The following ROR1 variants were observed in gnomAD, a reference collection of about 807,000 sequenced individuals.
ROR1 encodes the protein inactive tyrosine-protein kinase transmembrane receptor ROR1.
In ROR1, 19 loss-of-function variants were observed where a neutral mutation model predicts 78.8. The ratio of observed to expected loss-of-function variants is 0.24; its 90% CI spans 0.17 to 0.35. The LOEUF is 0.35. ROR1 is among the 10% of genes least tolerant of loss of function. The pLI is 1.00. For synonymous variants in ROR1, 386 were observed against 433.6 expected (o/e 0.89, Z 1.36); for missense variants, 917 against 1,177.8 (o/e 0.78, Z 3.24).
At chr1:64,121,814 C>T (rs768926033) in intron 4 of ROR1, among the ~76,000 whole-genome samples, 2 of 152,160 alleles carry the variant, frequency 1.3e-5, no homozygotes, top group Non-Finnish European at 2.9e-5. Context: ...CAGAATGAAC[C>T]AATAGATCTA....
intron 1 of ROR1, among the ~76,000 whole-genome samples, chr1:63,806,542 C>T (rs982583818): frequency 2.0e-5 from 3 of 152,186 alleles, no homozygotes; most frequent in Admixed American, 2.0e-4. Flanking sequence ...TGGTCTCGAT[C>T]TCCTGACCTT....
chr1:64,099,285 A>G (rs944351187), intron 4 of ROR1, among the ~76,000 whole-genome samples: 13 of 152,210 alleles, frequency 8.5e-5, no homozygotes, highest in African/African-American at 2.9e-4. Flanking sequence ...AAAGCCCCAC[A>G]GATTGATATG....
chr1:64,136,339 A>C (rs1295291096), intron 4 of ROR1, among the ~76,000 whole-genome samples: 2 of 148,210 alleles, frequency 1.3e-5, no homozygotes, highest in African/African-American at 5.2e-5. Flanking sequence ...AAGAAACCAA[A>C]GGGGAAAAAC....
chr1:64,042,527 G>A (rs1310821168), intron 2 of ROR1, among the ~76,000 whole-genome samples: 1 of 152,152 alleles, frequency 6.6e-6, no homozygotes, highest in Non-Finnish European at 1.5e-5. Context: ...TGAGATGTCC[G>A]GTGAGAACTA....
intron 1 of ROR1, among the ~76,000 whole-genome samples, chr1:63,939,643 G>C (rs1469168876): frequency 6.6e-6 from 1 of 152,214 alleles, no homozygotes; most frequent in Non-Finnish European, 1.5e-5. Flanking sequence ...TTCGCCAGCT[G>C]TGTTACCTCG....
chr1:63,990,382 C>T (rs1288075265), intron 1 of ROR1, among the ~76,000 whole-genome samples: 1 of 152,132 alleles, frequency 6.6e-6, no homozygotes, highest in Non-Finnish European at 1.5e-5. Flanking sequence ...TTCCTGGACT[C>T]TTCAATGCCA....
chr1:63,815,326 A>G (rs977829576), intron 1 of ROR1, among the ~76,000 whole-genome samples: 4 of 152,200 alleles, frequency 2.6e-5, no homozygotes, highest in Admixed American at 6.5e-5. Context: ...GTCTTCAAAT[A>G]TACATTTTTG....
chr1:64,108,561 G>C (rs1278019830), intron 4 of ROR1, among the ~76,000 whole-genome samples: 1 of 152,088 alleles, frequency 6.6e-6, no homozygotes, highest in East Asian at 1.9e-4. Flanking sequence ...AAAGAGTTAA[G>C]TGACAAGGGC....
chr1:64,167,832 A>C (rs1650126511), intron 8 of ROR1, among the ~76,000 whole-genome samples: 1 of 152,222 alleles, frequency 6.6e-6, no homozygotes. Context: ...AGTGAGGTCT[A>C]ACTCAAAAAC....
At chr1:64,006,490 A>G (rs146402765) in intron 1 of ROR1, among the ~76,000 whole-genome samples, 1,791 of 152,292 alleles carry the variant, frequency 0.012, 15 homozygotes, top group Middle Eastern at 0.051. Context: ...AAATGTAGAC[A>G]ATTAGCTCTT....
At chr1:63,897,133 C>A (rs939094625) in intron 1 of ROR1, among the ~76,000 whole-genome samples, 1 of 152,228 alleles carries the variant, frequency 6.6e-6, no homozygotes. Flanking sequence ...GGCCCTTTCA[C>A]GTATTCATCT....
intron 4 of ROR1, among the ~76,000 whole-genome samples, chr1:64,125,446 C>T (rs1224076764): frequency 6.6e-6 from 1 of 152,170 alleles, no homozygotes; most frequent in East Asian, 1.9e-4. Flanking sequence ...AGTCTAAAAA[C>T]ATTCCAACTG....
intron 7 of ROR1, among the ~76,000 whole-genome samples, chr1:64,153,133 C>T (rs1649674375): frequency 6.6e-6 from 1 of 152,016 alleles, no homozygotes; most frequent in Non-Finnish European, 1.5e-5. Context: ...GACATTCCTC[C>T]AAAGAAGATA....
intron 4 of ROR1, among the ~76,000 whole-genome samples, chr1:64,082,284 G>T (rs1453771290): frequency 1.3e-5 from 2 of 152,160 alleles, no homozygotes; most frequent in Non-Finnish European, 2.9e-5. Context: ...GTGGCGTTGG[G>T]ACATGCAAGG....
At chr1:64,135,024 C>T (rs1044513233) in intron 4 of ROR1, among the ~76,000 whole-genome samples, 6 of 152,058 alleles carry the variant, frequency 3.9e-5, no homozygotes, top group African/African-American at 7.2e-5. Flanking sequence ...GCTGCCAAGG[C>T]GATTCTCATA....
At chr1:64,050,799 T>A in intron 4 of ROR1, 83 bp downstream of exon 4, 1 of 1,316,292 alleles carries the variant, frequency 7.6e-7, no homozygotes. Context: ...GTCCTCTTCT[T>A]AAGCCAAAAT....
intron 4 of ROR1, among the ~76,000 whole-genome samples, chr1:64,122,878 G>A (rs963082337): frequency 2.0e-5 from 3 of 152,148 alleles, no homozygotes; most frequent in African/African-American, 7.2e-5. Context: ...GACATCTGGT[G>A]TCCACAGTGG....
chr1:64,039,922 A>T (rs960129333), intron 2 of ROR1, among the ~76,000 whole-genome samples: 2 of 152,186 alleles, frequency 1.3e-5, no homozygotes, highest in African/African-American at 4.8e-5. Context: ...CTGCAATGTG[A>T]CCTATAAAGC....
intron 1 of ROR1, among the ~76,000 whole-genome samples, chr1:63,793,120 C>G (rs941651571): frequency 6.6e-6 from 1 of 152,160 alleles, no homozygotes. Context: ...GTCCCAGAGT[C>G]TTGTGGGATG....
Sources: allele counts gnomAD v4.1 joint callset (sites outside exome capture counted in the v4.1 genomes callset), GRCh38; gene constraint gnomAD v4.1.1; transcripts MANE v1.5; gene names NCBI Gene and HGNC (gene_info 2026-07-23, HGNC 2026-07-21).